Variants in MAPT observed in about 807,000 individuals in gnomAD.
MAPT encodes microtubule-associated protein tau.
A neutral mutation model predicts 67.9 loss-of-function variants in MAPT; 34 were observed. The observed-to-expected ratio is 0.50, with a 90% CI of 0.38 to 0.67. The LOEUF (loss-of-function observed/expected upper bound fraction) is 0.67. Among genes scored for constraint, MAPT ranks in the 30% least tolerant of loss-of-function variants. The pLI, the probability that MAPT is intolerant of heterozygous loss-of-function variation, is 0.00. For missense variants in MAPT, 881 were observed against 1,115.2 expected (o/e 0.79, Z 2.99); for synonymous variants, 456 against 464.5 (o/e 0.98, Z 0.23).
At chr17:45,944,733 C>T (rs967031609) in intron 1 of MAPT, among the ~76,000 whole-genome samples, 32 of 152,136 alleles carry the variant, frequency 2.1e-4, no homozygotes, top group African/African-American at 7.0e-4. Flanking sequence ...CAGGTGCTTC[C>T]GAGAACCCAC....
rs1030834351 is a variant in MAPT at position 45,983,018 on chromosome 17, C to A, written c.439C>A (p.Leu147Met). Residue 147 changes from leucine to methionine, a missense_variant, in exon 5 of 13, where the codon CTG (leucine) becomes ATG (methionine). Leu to Met is a conservative substitution (Grantham distance 15). Coordinates refer to ENST00000262410, the MANE Select transcript of MAPT (RefSeq NM_001377265.1). The part of the protein sequence containing the change: ...GEKEPEAPVP[L>M]TASLPQHRPV... ...GAAAGAGCCAGAAGCTCCCGTCCCG[C>A]TGACCGCGAGCCTTCCTCAGCACCG... The A allele has an allele frequency of 5.5e-6, 8 of 1,467,616 alleles. No homozygotes were observed. The African/African-American group carries it at 7.1e-5, about 13-fold the overall frequency. 90.9% of individuals were successfully genotyped at this position (1,467,616 alleles called of 1,614,324 possible).
chr17:45,908,778 C>T (rs2064520442), intron 1 of MAPT, among the ~76,000 whole-genome samples: 1 of 152,180 alleles, frequency 6.6e-6, no homozygotes, highest in African/African-American at 2.4e-5. Context: ...TTTCTCAGTT[C>T]TGGTCTTGCC....
At position 46,010,680 on chromosome 17, in the gene MAPT, G is replaced by A. The variant is rs1273169165; in HGVS notation, c.2091+278G>A. Among the ~76,000 whole-genome samples the A allele has an allele frequency of 2.0e-5, 3 of 152,120 alleles. No individual in the cohort carries two copies. The highest frequency in any genetic ancestry group is 1.9e-4 in the East Asian group (1 of 5,192). ...GTGTGGACAGAATAGGGCAGATGAC[G>A]GACCCTCTCTCCGGACCCTGCCTGG... On this transcript the variant is annotated intron_variant, in intron 10 of 12. Coordinates refer to ENST00000262410, the MANE Select transcript of MAPT (RefSeq NM_001377265.1). The surrounding 1 kb of genome is among the most constrained non-coding windows in gnomAD (Gnocchi z 4.7).
At chr17:46,015,084 A>C (rs1356738202) in intron 11 of MAPT, among the ~76,000 whole-genome samples, 1 of 152,224 alleles carries the variant, frequency 6.6e-6, no homozygotes, top group Non-Finnish European at 1.5e-5. Context: ...ACATTTAAAA[A>C]TAACTAAAAG....
In MAPT at chr17:45,983,808, C is replaced by T. The variant is rs769728181; in HGVS notation, c.1229C>T (p.Pro410Leu). The T allele has an allele frequency of 2.5e-6, 4 of 1,613,328 alleles. No individual in the cohort carries two copies. The highest frequency in any genetic ancestry group is 3.4e-6 in the Non-Finnish European group (4 of 1,179,944). Residue 410 changes from proline to leucine, a missense_variant, in exon 5 of 13, where the codon CCA becomes CTA. Physicochemically the swap from Pro to Leu is moderately conservative, Grantham distance 98 (BLOSUM62 -3). Around this residue, in one of 6 missense-constraint regions of MAPT, gnomAD observed 687 missense variants for 766.1 expected, o/e 0.90. Coordinates refer to ENST00000262410, the MANE Select transcript of MAPT (RefSeq NM_001377265.1). ...AAFPGAPGEG[P>L]EARGPSLGED... is the part of the protein sequence containing the mutation. The stretch of plus-strand genomic sequence containing the variant: ...TTTCCAGGGGCCCCTGGAGAGGGGC[C>T]AGAGGCCCGGGGCCCCTCTTTGGGA...
chr17:45,983,806 G>A lies in MAPT; in HGVS notation c.1227G>A (p.Gly409=), dbSNP rs1235695839. 2 of 1,613,356 alleles carry A rather than the reference G, an allele frequency of 1.2e-6. No homozygotes were observed. The highest frequency in any genetic ancestry group is 2.7e-5 in the African/African-American group (2 of 74,888). Residue 409 remains glycine (G), a synonymous_variant, in exon 5 of 13, where the codon GGG becomes GGA. Coordinates refer to ENST00000262410, the MANE Select transcript of MAPT (RefSeq NM_001377265.1). ...CATTTCCAGGGGCCCCTGGAGAGGG[G>A]CCAGAGGCCCGGGGCCCCTCTTTGG... ...RAAFPGAPGE[G]PEARGPSLGE...
chr17:46,014,037 G>A (rs1364439891), intron 10 of MAPT, among the ~76,000 whole-genome samples: 1 of 152,204 alleles, frequency 6.6e-6, no homozygotes, highest in East Asian at 1.9e-4. Flanking sequence ...AGGGTTGGCA[G>A]AATTTCGACA....
chr17:45,953,236 A>G (rs2069267418), intron 1 of MAPT, among the ~76,000 whole-genome samples: 3 of 152,338 alleles, frequency 2.0e-5, no homozygotes. Context: ...TAAGACTGAG[A>G]AGAGTCACTT....
intron 9 of MAPT, among the ~76,000 whole-genome samples, chr17:46,004,541 G>A (rs2075277403): frequency 6.6e-6 from 1 of 152,198 alleles, no homozygotes; most frequent in African/African-American, 2.4e-5. Flanking sequence ...ATATGTTACT[G>A]TAGCTGAGAA....
intron 6 of MAPT, among the ~76,000 whole-genome samples, chr17:45,989,098 G>A (rs2435212): frequency 0.2 from 29,686 of 151,678 alleles, 3,243 homozygotes; most frequent in East Asian, 0.49. Context: ...GGTGGAAGAG[G>A]CCATGGGTTA....
intron 1 of MAPT, among the ~76,000 whole-genome samples, chr17:45,950,418 C>T (rs2068945963): frequency 6.6e-6 from 1 of 152,038 alleles, no homozygotes; most frequent in Admixed American, 6.6e-5. Context: ...CAAAAGGGAC[C>T]CAGGGTCTCA....
At chr17:45,970,777 A>G (rs1316866665) in intron 2 of MAPT, among the ~76,000 whole-genome samples, 2 of 152,224 alleles carry the variant, frequency 1.3e-5, no homozygotes, top group Non-Finnish European at 2.9e-5. Flanking sequence ...CATGCTCTCT[A>G]GCCTGTAACT....
At chr17:46,013,124 C>T (rs2075934139) in intron 10 of MAPT, among the ~76,000 whole-genome samples, 1 of 152,230 alleles carries the variant, frequency 6.6e-6, no homozygotes, top group South Asian at 2.1e-4. Context: ...CCTTGATAAA[C>T]CATCTTCAGC....
chr17:45,909,087 C>T lies in MAPT; in HGVS notation c.-18+14401C>T, dbSNP rs138983775. Among the ~76,000 whole-genome samples the T allele has an allele frequency of 5.9e-5, 9 of 152,328 alleles. No homozygotes were observed. In the East Asian group the frequency reaches 1.7e-3, roughly 29 times the overall value. ...CAGCGGGAGCTGCAGAGTGCGGGCACCTTGGCACACAGCCCTGAGTGCAAA... is the reference window on the plus strand; with the variant it reads ...CAGCGGGAGCTGCAGAGTGCGGGCATCTTGGCACACAGCCCTGAGTGCAAA... On this transcript the variant is annotated intron_variant, in intron 1 of 12. Coordinates refer to ENST00000262410, the MANE Select transcript of MAPT (RefSeq NM_001377265.1).
rs2075769381 is a variant in MAPT, at chr17:46,010,744, GCCCAGCCCTGTC to G, written c.2091+348_2091+359del. On this transcript the variant is annotated intron_variant, in intron 10 of 12. Coordinates refer to ENST00000262410, the MANE Select transcript of MAPT (RefSeq NM_001377265.1). This position sits in a 1 kb window ranked among gnomAD's most constrained non-coding sequence, Gnocchi z 4.7. ...CCCATCAAAGTCTCCTTCCACTCAT[GCCCAGCCCTGTC>G]CCCAGGAGCCCCATAGCCCATTGGA... Among the ~76,000 whole-genome samples, 1 of 152,170 alleles carries G rather than the reference GCCCAGCCCTGTC, an allele frequency of 6.6e-6. No individual in the cohort carries two copies. The highest frequency in any genetic ancestry group is 2.1e-4 in the South Asian group (1 of 4,832).
At chr17:45,956,563 TATATATATATATATATATATATATATATA>T (rs1256278782) in intron 1 of MAPT, among the ~76,000 whole-genome samples, 182 of 1,186 alleles carry the variant, frequency 0.15, no homozygotes, top group Admixed American at 0.15. Flanking sequence ...TATATATATA[TATATATATATATATATATATATATATATA>T]TATATATATT....
At chr17:45,912,284 A>G (rs1239591631) in intron 1 of MAPT, among the ~76,000 whole-genome samples, 2 of 152,248 alleles carry the variant, frequency 1.3e-5, no homozygotes, top group African/African-American at 2.4e-5. Flanking sequence ...TAATCTCCAG[A>G]ACCTGTAAAT....
chr17:45,935,777 C>T (rs996819536), intron 1 of MAPT, among the ~76,000 whole-genome samples: 1 of 152,150 alleles, frequency 6.6e-6, no homozygotes, highest in Non-Finnish European at 1.5e-5. Context: ...GAGGCTGTTT[C>T]ATCCCTTCAA....
chr17:45,894,936 G>A (rs1041642282), intron 1 of MAPT: 13 of 152,698 alleles, frequency 8.5e-5, no homozygotes, highest in African/African-American at 2.9e-4. Flanking sequence ...TTCACCACCA[G>A]ATTCGCGCAG....
Sources: gnomAD v4.1 joint callset for allele counts (sites outside exome capture counted in the v4.1 genomes callset) on GRCh38, gnomAD v4.1.1 for gene constraint, gnomAD v4.1.1 regional missense constraint, Gnocchi (gnomAD v3.1) non-coding constraint, MANE v1.5 for transcripts, NCBI Gene and HGNC (gene_info 2026-07-23, HGNC 2026-07-21) for gene names.